MARCHF8: variants seen among roughly 807,000 people sequenced by gnomAD.
The protein encoded by MARCHF8 is E3 ubiquitin-protein ligase MARCHF8.
In MARCHF8, 40 loss-of-function variants were observed where a neutral mutation model predicts 51.6. The ratio of observed to expected loss-of-function variants is 0.77; its 90% CI spans 0.60 to 1.01. The LOEUF (loss-of-function observed/expected upper bound fraction) is 1.01. Among genes scored for constraint, MARCHF8 ranks in the 50% least tolerant of loss-of-function variants. The pLI is 0.00. For synonymous variants in MARCHF8, 263 were observed against 280.3 expected (o/e 0.94, Z 0.62); for missense variants, 685 against 708.6 (o/e 0.97, Z 0.38).
At chr10:45,553,854 CTT>C (rs1228634678) in intron 1 of MARCHF8, among the ~76,000 whole-genome samples, 3 of 151,446 alleles carry the variant, frequency 2.0e-5, no homozygotes, top group Non-Finnish European at 4.4e-5. Flanking sequence ...CACACACACT[CTT>C]GCTCATGTTT....
At chr10:45,516,852 C>A (rs931142123) in intron 2 of MARCHF8, among the ~76,000 whole-genome samples, 2 of 152,202 alleles carry the variant, frequency 1.3e-5, no homozygotes, top group African/African-American at 4.8e-5. Flanking sequence ...CCAACCCAAT[C>A]CAGAGCCTCA....
chr10:45,536,839 A>AATAATAATAATAATC (rs1293490652), upstream of MARCHF8, among the ~76,000 whole-genome samples: 38 of 104,052 alleles, frequency 3.7e-4, no homozygotes, highest in South Asian at 0.011. Context: ...CTACCAAAAT[A>AATAATAATAATAATC]ATAATAATAA....
At chr10:45,523,908 A>C (rs1003559964) in intron 2 of MARCHF8, among the ~76,000 whole-genome samples, 1 of 152,170 alleles carries the variant, frequency 6.6e-6, no homozygotes, top group Non-Finnish European at 1.5e-5. Flanking sequence ...TCCATCTCTA[A>C]ACTCTAAATA....
intron 3 of MARCHF8, among the ~76,000 whole-genome samples, chr10:45,484,598 G>C (rs185472363): frequency 4.7e-4 from 71 of 152,288 alleles, no homozygotes; most frequent in Admixed American, 4.5e-3. Flanking sequence ...AACTGTGATA[G>C]GTGCTATGAA....
At chr10:45,486,149 T>C (rs576628358) in intron 3 of MARCHF8, among the ~76,000 whole-genome samples, 1 of 152,352 alleles carries the variant, frequency 6.6e-6, no homozygotes, top group Non-Finnish European at 1.5e-5. Context: ...CAGGAAGTTC[T>C]GTGAGTAATC....
chr10:45,543,215 A>T (rs1018674316), intron 1 of MARCHF8, among the ~76,000 whole-genome samples: 1 of 152,120 alleles, frequency 6.6e-6, no homozygotes, highest in South Asian at 2.1e-4. Context: ...CTCCTGCTCC[A>T]TCTCCACCTC....
At chr10:45,540,152 C>T (rs1215721954), upstream of MARCHF8, among the ~76,000 whole-genome samples, 1 of 152,032 alleles carries the variant, frequency 6.6e-6, no homozygotes, top group East Asian at 1.9e-4. Context: ...CAATGCCATC[C>T]CCCCATCAAG....
At chr10:45,570,876 C>A (rs2044420788) in intron 1 of MARCHF8, among the ~76,000 whole-genome samples, 1 of 152,034 alleles carries the variant, frequency 6.6e-6, no homozygotes, top group Non-Finnish European at 1.5e-5. Context: ...ATAAACTTAA[C>A]AAAAGATATG....
chr10:45,557,433 A>T lies in MARCHF8; in HGVS notation c.-78-24144T>A, dbSNP rs568720086. On this transcript the variant is annotated intron_variant, in intron 1 of 6. Coordinates refer to the MARCHF8 transcript ENST00000319836. ...CGTGAGACACCACGCCTGGCCCAAA[A>T]GGTGCTTATTCTTAATACTTCCTAC... 3.0e-4 allele frequency among the ~76,000 whole-genome samples: 46 copies of T among 152,086 alleles called. No homozygotes were observed. In the South Asian group the frequency reaches 9.4e-3, roughly 31 times the overall value.
At chr10:45,483,934 T>C (rs1015184021) in intron 3 of MARCHF8, among the ~76,000 whole-genome samples, 2 of 152,206 alleles carry the variant, frequency 1.3e-5, no homozygotes, top group Middle Eastern at 3.2e-3. Flanking sequence ...AAAGAGAGAT[T>C]GGTTAATGGG....
At chr10:45,509,977 T>C (rs2043465170) in intron 2 of MARCHF8, among the ~76,000 whole-genome samples, 1 of 146,914 alleles carries the variant, frequency 6.8e-6, no homozygotes, top group Non-Finnish European at 1.5e-5. Flanking sequence ...GAACAACGCC[T>C]GTAATCTGGG....
chr10:45,489,816 C>T (rs1403047975), intron 2 of MARCHF8, among the ~76,000 whole-genome samples: 3 of 152,070 alleles, frequency 2.0e-5, no homozygotes, highest in Non-Finnish European at 1.5e-5. Context: ...TGACACAGTC[C>T]ACATTATGAG....
chr10:45,584,688 G>C (rs2044599602), intron 1 of MARCHF8, among the ~76,000 whole-genome samples: 1 of 152,206 alleles, frequency 6.6e-6, no homozygotes, highest in Admixed American at 6.5e-5. Flanking sequence ...AGATAAAATA[G>C]AGTAATCTAG....
intron 3 of MARCHF8, among the ~76,000 whole-genome samples, chr10:45,469,782 G>A (rs1022930307): frequency 1.3e-5 from 2 of 148,658 alleles, no homozygotes; most frequent in Non-Finnish European, 3.0e-5. Flanking sequence ...GGTGAATGGC[G>A]TGAACCCGGG....
intron 2 of MARCHF8, among the ~76,000 whole-genome samples, chr10:45,512,180 A>T (rs1251913806): frequency 7.0e-6 from 1 of 143,456 alleles, no homozygotes; most frequent in Non-Finnish European, 1.5e-5. Flanking sequence ...GCCCCATCTG[A>T]GAAGTGAGGA....
At chr10:45,476,676 CAG>C (rs757422952) in intron 3 of MARCHF8, among the ~76,000 whole-genome samples, 11 of 149,822 alleles carry the variant, frequency 7.3e-5, no homozygotes, top group African/African-American at 1.2e-4. Flanking sequence ...AAAAAACAAA[CAG>C]AAATTCTGGA....
intron 1 of MARCHF8, among the ~76,000 whole-genome samples, chr10:45,589,482 ACAAC>A (rs1448723530): frequency 2.6e-5 from 4 of 152,200 alleles, no homozygotes; most frequent in Non-Finnish European, 5.9e-5. Flanking sequence ...ACAGAACTGT[ACAAC>A]CATCACCACA....
intron 2 of MARCHF8, among the ~76,000 whole-genome samples, chr10:45,514,769 C>T (rs2043591495): frequency 6.6e-6 from 1 of 152,070 alleles, no homozygotes; most frequent in Non-Finnish European, 1.5e-5. Flanking sequence ...TGTGTGCCAA[C>T]CTGTCACCCA....
chr10:45,506,737 G>C (rs1209970414), intron 2 of MARCHF8, among the ~76,000 whole-genome samples: 1 of 152,142 alleles, frequency 6.6e-6, no homozygotes, highest in Admixed American at 6.5e-5. Flanking sequence ...TAATCACCTG[G>C]GTGCAGATGG....
Sources: allele counts gnomAD v4.1 joint callset (sites outside exome capture counted in the v4.1 genomes callset), GRCh38; gene constraint gnomAD v4.1.1; transcripts MANE v1.5; gene names NCBI Gene and HGNC (gene_info 2026-07-23, HGNC 2026-07-21).